SNTG1: variants seen among roughly 807,000 people sequenced by gnomAD.
The protein encoded by SNTG1 is syntrophin gamma 1, also known as gamma-1-syntrophin.
SNTG1 carries 39 observed loss-of-function variants against 74.7 expected under a neutral mutation model. That is an observed-to-expected ratio of 0.52 (90% CI 0.40 to 0.68). The LOEUF is 0.68. SNTG1 is among the 30% of genes least tolerant of loss of function. The pLI is 0.00. For synonymous variants in SNTG1, 254 were observed against 217.1 expected, an observed-to-expected ratio of 1.17 and a Z score of -1.49; for missense variants, 685 against 609.5, an observed-to-expected ratio of 1.12 and a Z score of -1.30.
intron 1 of SNTG1, among the ~76,000 whole-genome samples, chr8:50,070,855 T>C (rs1228756902): frequency 1.3e-5 from 2 of 152,172 alleles, no homozygotes; most frequent in Non-Finnish European, 2.9e-5. Context: ...ATGTGTCCAG[T>C]TAGTATTCTC....
At chr8:50,389,470 T>C (rs373544674) in intron 2 of SNTG1, among the ~76,000 whole-genome samples, 2 of 152,334 alleles carry the variant, frequency 1.3e-5, no homozygotes, top group East Asian at 3.9e-4. Context: ...ACGTTCCCCT[T>C]CCTGTGTCCA....
At chr8:50,340,723 AAAAATTGGACTTCCTT>A (rs1343224547) in intron 2 of SNTG1, among the ~76,000 whole-genome samples, 1 of 151,924 alleles carries the variant, frequency 6.6e-6, no homozygotes, top group Non-Finnish European at 1.5e-5. Context: ...AAGAAAACTG[AAAAATTGGACTTCCTT>A]AAAATTAAAA....
Position 50,023,630 on chromosome 8 carries a change from T to C in SNTG1, c.-103+111399T>C, listed in dbSNP as rs1326229316. 2.6e-5 allele frequency among the ~76,000 whole-genome samples: 4 copies of C among 152,250 alleles called. No individual in the cohort carries two copies. The East Asian group carries it at 7.7e-4, about 29-fold the overall frequency. ...AGTAGGCTGCTAAGGATGATTTTCT[T>C]AGCTTTTTGACAGTAAAACACTTGG... On this transcript the variant is annotated intron_variant, in intron 1 of 18. Coordinates refer to ENST00000642720, the MANE Select transcript of SNTG1 (RefSeq NM_018967.5).
chr8:50,572,484 T>C (rs1403430868), intron 12 of SNTG1, among the ~76,000 whole-genome samples: 1 of 152,042 alleles, frequency 6.6e-6, no homozygotes, highest in Non-Finnish European at 1.5e-5. Context: ...TATAGGAAAA[T>C]AAAGTTTAAG....
intron 2 of SNTG1, among the ~76,000 whole-genome samples, chr8:50,225,600 T>C (rs1373164999): frequency 2.0e-5 from 3 of 152,152 alleles, no homozygotes; most frequent in Admixed American, 6.5e-5. Context: ...GTTCACAGGA[T>C]CTCCTAACTC....
chr8:50,374,045 C>T (rs910529045), intron 2 of SNTG1, among the ~76,000 whole-genome samples: 1 of 152,150 alleles, frequency 6.6e-6, no homozygotes, highest in African/African-American at 2.4e-5. Flanking sequence ...TATGTTGAAG[C>T]TATGTATTAG....
intron 2 of SNTG1, among the ~76,000 whole-genome samples, chr8:50,240,935 C>G (rs2086137760): frequency 6.6e-6 from 1 of 151,742 alleles, no homozygotes; most frequent in Non-Finnish European, 1.5e-5. Context: ...TTTTTTTTCC[C>G]TAACAACGAA....
At chr8:50,694,558 G>A (rs2095396396) in intron 15 of SNTG1, among the ~76,000 whole-genome samples, 1 of 152,034 alleles carries the variant, frequency 6.6e-6, no homozygotes, top group Admixed American at 6.6e-5. Context: ...AATAATTCAT[G>A]AGGGAACACT....
At chr8:50,655,120 G>T (rs1394013571) in intron 13 of SNTG1, among the ~76,000 whole-genome samples, 7 of 152,092 alleles carry the variant, frequency 4.6e-5, no homozygotes, top group African/African-American at 1.7e-4. Flanking sequence ...AAAACATCTA[G>T]TGCTTTAAGC....
chr8:50,590,821 G>A (rs1158463086), intron 12 of SNTG1, 58 bp from the exon 13 acceptor site: 1 of 1,115,384 alleles, frequency 9.0e-7, no homozygotes, highest in South Asian at 1.5e-5. Context: ...AAAATTCTGG[G>A]GACCTTGTGT....
intron 17 of SNTG1, among the ~76,000 whole-genome samples, chr8:50,731,054 T>C (rs1195055469): frequency 6.6e-6 from 1 of 152,192 alleles, no homozygotes; most frequent in Non-Finnish European, 1.5e-5. Flanking sequence ...CCCAAAGTCA[T>C]GTGGCTTATA....
chr8:50,359,956 A>C (rs2131062451), intron 2 of SNTG1, among the ~76,000 whole-genome samples: 1 of 152,248 alleles, frequency 6.6e-6, no homozygotes, highest in South Asian at 2.1e-4. Context: ...GTGCACAACT[A>C]ACTTACTAAA....
chr8:50,639,074 C>G (rs945765282), intron 13 of SNTG1, among the ~76,000 whole-genome samples: 19 of 151,876 alleles, frequency 1.3e-4, no homozygotes, highest in African/African-American at 3.9e-4. Flanking sequence ...ATAACTTGTT[C>G]TAACTACAAC....
intron 1 of SNTG1, among the ~76,000 whole-genome samples, chr8:50,140,270 C>T (rs1586444604): frequency 1.3e-5 from 2 of 152,188 alleles, no homozygotes; most frequent in East Asian, 1.9e-4. Flanking sequence ...TGGAAGGATC[C>T]CACATTGTCA....
chr8:50,714,963 C>T (rs1160701457), intron 17 of SNTG1, among the ~76,000 whole-genome samples: 5 of 151,958 alleles, frequency 3.3e-5, no homozygotes, highest in South Asian at 2.1e-4. Context: ...AAACAAAAAC[C>T]GTAAAAGGTA....
chr8:50,496,292 T>G lies in SNTG1; in HGVS notation c.364-6486T>G, dbSNP rs149530749. Among the ~76,000 whole-genome samples the G allele has an allele frequency of 5.0e-3, 767 of 152,298 alleles. 4 individuals are homozygous for G. Among genetic ancestry groups the G allele is most frequent in the African/African-American group, 0.018 (737 of 41,566 alleles). On this transcript the variant is annotated intron_variant, in intron 8 of 18. Coordinates refer to ENST00000642720, the MANE Select transcript of SNTG1 (RefSeq NM_018967.5). ...CAAAATCTTACTTGATTCCCTGACATCATATGAGGCCAGTTAACTATGATC... is the reference window on the plus strand; with the variant it reads ...CAAAATCTTACTTGATTCCCTGACAGCATATGAGGCCAGTTAACTATGATC...
intron 13 of SNTG1, among the ~76,000 whole-genome samples, chr8:50,638,419 T>A (rs985276229): frequency 1.3e-5 from 2 of 152,084 alleles, no homozygotes; most frequent in African/African-American, 2.4e-5. Context: ...ATAAATTATA[T>A]ATTCAAAGCT....
intron 17 of SNTG1, among the ~76,000 whole-genome samples, chr8:50,739,554 A>G (rs199542088): frequency 2.0e-5 from 3 of 152,022 alleles, no homozygotes; most frequent in Non-Finnish European, 2.9e-5. Context: ...CCAGCAATCC[A>G]TTACTGGGTA....
chr8:50,294,412 G>C (rs2089268992), intron 2 of SNTG1, among the ~76,000 whole-genome samples: 1 of 152,184 alleles, frequency 6.6e-6, no homozygotes, highest in African/African-American at 2.4e-5. Flanking sequence ...TATTAAGAGA[G>C]ATCTATTTTA....
Sources: gnomAD v4.1 joint callset for allele counts (sites outside exome capture counted in the v4.1 genomes callset) on GRCh38, gnomAD v4.1.1 for gene constraint, MANE v1.5 for transcripts, NCBI Gene and HGNC (gene_info 2026-07-23, HGNC 2026-07-21) for gene names.